ZNF385A: variants seen among roughly 807,000 people sequenced by gnomAD.
The protein encoded by ZNF385A is hematopoietic zinc finger protein.
Under a neutral mutation model 32.1 loss-of-function variants are expected in ZNF385A, and 14 were observed. The ratio of observed to expected loss-of-function variants is 0.44; its 90% CI spans 0.29 to 0.68. The LOEUF is 0.68. Among genes scored for constraint, ZNF385A ranks in the 30% least tolerant of loss-of-function variants. ZNF385A has a pLI of 0.14. For missense variants in ZNF385A, 406 were observed against 478.4 expected (o/e 0.85, Z 1.41); for synonymous variants, 197 against 202.7 (o/e 0.97, Z 0.24).
In ZNF385A at chr12:54,384,542, G is replaced by C; in HGVS notation, c.-28C>G. Reference sequence around the variant, plus strand: ...TCGGGGGCTGCCGTAGCAGAGGCAGGGGCCCTGCCCGGCTCAGGCTGCCTG... The same window carrying C: ...TCGGGGGCTGCCGTAGCAGAGGCAGCGGCCCTGCCCGGCTCAGGCTGCCTG... On this transcript the variant is annotated 5_prime_UTR_variant, in exon 1 of 7. Transcript: ENST00000394313. 1 of 1,500,900 alleles carries C rather than the reference G, an allele frequency of 6.7e-7. No individual in the cohort carries two copies. The highest frequency in any genetic ancestry group is 8.9e-7 in the Non-Finnish European group (1 of 1,126,654). The allele number at this position is 1,500,900 out of a possible 1,614,324, so 93.0% of individuals were successfully genotyped here.
At chr12:54,386,703 G>C (rs1320040721), upstream of ZNF385A, among the ~76,000 whole-genome samples, 1 of 152,194 alleles carries the variant, frequency 6.6e-6, no homozygotes, top group African/African-American at 2.4e-5. Flanking sequence ...CAGAGCACCA[G>C]AGGCTGAAGC....
chr12:54,370,801 C>T lies in ZNF385A; in HGVS notation c.775-80G>A, dbSNP rs530663050. 6 of 1,590,116 alleles carry T rather than the reference C, an allele frequency of 3.8e-6. No homozygotes were observed. The African/African-American group carries it at 5.4e-5, about 14-fold the overall frequency. ...GGGAGTATAATCAAGCTCCAAGCACCGGCCCCCTCCCATCTGGCCCCCTGG... is the reference window on the plus strand; with the variant it reads ...GGGAGTATAATCAAGCTCCAAGCACTGGCCCCCTCCCATCTGGCCCCCTGG... On this transcript the variant is annotated intron_variant, in intron 5 of 6. Transcript: ENST00000394313. This position sits in a 1 kb window ranked among gnomAD's most constrained non-coding sequence, Gnocchi z 5.5.
chr12:54,370,358 G>A lies in ZNF385A; in HGVS notation c.999C>T (p.Ala333=), dbSNP rs1360620734. ...GSPLSLRPAP[A]APLLQGPPIT... ...TCGGCGGTCCCTGGAGAAGAGGTGC[G>A]GCTGGAGCCGGGCGCAGGGACAGCG... Residue 333 remains alanine, a synonymous_variant, in exon 7 of 7, where the codon GCC becomes GCT. Transcript: ENST00000394313. This position sits in a 1 kb window ranked among gnomAD's most constrained non-coding sequence, Gnocchi z 5.5. 1 of 1,507,204 alleles carries A rather than the reference G, an allele frequency of 6.6e-7. No homozygotes were observed. Among genetic ancestry groups the A allele is most frequent in the Non-Finnish European group, 8.9e-7 (1 of 1,126,402 alleles). 93.4% of individuals were successfully genotyped at this position (1,507,204 alleles called of 1,614,324 possible).
chr12:54,382,964 C>G (rs1336277333), intron 1 of ZNF385A, among the ~76,000 whole-genome samples: 1 of 152,022 alleles, frequency 6.6e-6, no homozygotes, highest in Non-Finnish European at 1.5e-5. Context: ...GGGTTCCAGA[C>G]CAGCCTGGCC....
upstream of ZNF385A, among the ~76,000 whole-genome samples, chr12:54,388,949 G>A (rs1186319905): frequency 6.6e-6 from 1 of 152,188 alleles, no homozygotes; most frequent in African/African-American, 2.4e-5. Context: ...GGATGATTAT[G>A]AACAACTACT....
chr12:54,390,588 G>C (rs1033421194), intron 1 of ZNF385A, among the ~76,000 whole-genome samples: 29 of 152,062 alleles, frequency 1.9e-4, no homozygotes, highest in Non-Finnish European at 7.4e-5. Flanking sequence ...TGGCTGTGGA[G>C]ACAGGCTCTG....
chr12:54,382,893 C>T (rs913233851), intron 1 of ZNF385A, among the ~76,000 whole-genome samples: 44 of 151,846 alleles, frequency 2.9e-4, no homozygotes, highest in African/African-American at 9.9e-4. Flanking sequence ...AGGCCAGGCA[C>T]GGTGGCTCAA....
In ZNF385A at chr12:54,370,579, C is replaced by T. The variant is rs1287810840; in HGVS notation, c.870+47G>A. 1 of 1,558,564 alleles carries T rather than the reference C, an allele frequency of 6.4e-7. No individual in the cohort carries two copies. The highest frequency in any genetic ancestry group is 8.7e-7 in the Non-Finnish European group (1 of 1,150,888). Reference sequence around the variant, plus strand: ...GCAAAGCCCGCGTCCCTCTCTCCTCCCCGCCCGCGCCCTCCCACTGCTGAA... The same window carrying T: ...GCAAAGCCCGCGTCCCTCTCTCCTCTCCGCCCGCGCCCTCCCACTGCTGAA... On this transcript the variant is annotated intron_variant, in intron 6 of 6. Transcript: ENST00000394313. The surrounding 1 kb of genome is among the most constrained non-coding windows in gnomAD (Gnocchi z 5.5).
At chr12:54,388,587 G>A (rs961802764), upstream of ZNF385A, among the ~76,000 whole-genome samples, 1 of 152,198 alleles carries the variant, frequency 6.6e-6, no homozygotes, top group African/African-American at 2.4e-5. Flanking sequence ...GGGCCAGAAT[G>A]GGATTAAGAT....
At chr12:54,378,295 C>T (rs1954945927) in intron 1 of ZNF385A, among the ~76,000 whole-genome samples, 1 of 152,170 alleles carries the variant, frequency 6.6e-6, no homozygotes, top group South Asian at 2.1e-4. Flanking sequence ...GATGAGGGCT[C>T]CCTGGGGAGG....
chr12:54,370,959 C>T lies in ZNF385A; in HGVS notation c.742G>A (p.Val248Ile), dbSNP rs1954515372. The change falls in exon 5 of 7, where the codon GTC (valine) becomes ATC (isoleucine). Residue 248 changes from valine to isoleucine, a missense_variant. Physicochemically the swap from Val to Ile is conservative, Grantham distance 29 (BLOSUM62 3). Transcript: ENST00000394313. The surrounding 1 kb of genome is among the most constrained non-coding windows in gnomAD (Gnocchi z 5.5). ...AGTTGGACCTCCGAGTTGACCTTGA[C>T]ATTGCAGATCTCACAGTGGAAAGTT... ...DRTFHCEICNVKVNSEVQLKQ... is the reference protein window; with the variant it reads ...DRTFHCEICNIKVNSEVQLKQ... 3 of 1,614,196 alleles carry T rather than the reference C, an allele frequency of 1.9e-6. No individual in the cohort carries two copies. The highest frequency in any genetic ancestry group is 1.3e-5 in the African/African-American group (1 of 75,058).
intron 3 of ZNF385A, 32 bp downstream of exon 3, chr12:54,373,941 C>A: frequency 1.4e-6 from 2 of 1,433,880 alleles, no homozygotes; most frequent in Non-Finnish European, 1.9e-6. Context: ...AGACAGAGAT[C>A]AGTTGAAGAA....
upstream of ZNF385A, among the ~76,000 whole-genome samples, chr12:54,389,328 G>A (rs1193127006): frequency 6.6e-6 from 1 of 152,106 alleles, no homozygotes; most frequent in Non-Finnish European, 1.5e-5. Flanking sequence ...ACCTTTGTAG[G>A]GTCCCTGGGG....
intron 2 of ZNF385A, among the ~76,000 whole-genome samples, chr12:54,374,637 C>T (rs186161656): frequency 5.9e-5 from 9 of 152,304 alleles, no homozygotes; most frequent in African/African-American, 2.2e-4. Flanking sequence ...CTCATTTTCC[C>T]TGAAGCCTCT....
chr12:54,371,712 G>A lies in ZNF385A; in HGVS notation c.365C>T (p.Ser122Phe), dbSNP rs754734884. ...NGDGVAPRPV[S>F]MENGLGPAPG... ...GGCTGGCCCCAGTCCATTCTCCATG[G>A]AAACTGTTGTTGGGGGAGAAACATG... Residue 122 changes from serine to phenylalanine, a missense_variant, in exon 4 of 7, where the codon TCC becomes TTC. Coordinates refer to ENST00000394313, the MANE Select transcript of ZNF385A (RefSeq NM_015481.3). 1 of 1,611,706 alleles carries A rather than the reference G, an allele frequency of 6.2e-7. No individual in the cohort carries two copies.
chr12:54,371,030 A>C lies in ZNF385A; in HGVS notation c.671T>G (p.Leu224Arg). 1.9e-6 allele frequency: 3 copies of C among 1,614,124 alleles called. No homozygotes were observed. Among genetic ancestry groups the C allele is most frequent in the Middle Eastern group, 1.6e-4 (1 of 6,062 alleles). ...TGGTTCCCCCGGGGTGGGAGGCCCC[A>C]GCCGAGGGTAAGCTTTGATGGGCCC... ...GLGPIKAYPRLGPPTPGEPEA... is the reference protein window; with the variant it reads ...GLGPIKAYPRRGPPTPGEPEA... The change falls in exon 5 of 7, where the codon CTG becomes CGG. Residue 224 changes from leucine to arginine, a missense_variant. Physicochemically the swap from Leu to Arg is moderately radical, Grantham distance 102 (BLOSUM62 -2). Transcript: ENST00000394313.
upstream of ZNF385A, chr12:54,385,018 G>T (rs796301688): frequency 9.9e-6 from 5 of 503,068 alleles, no homozygotes; most frequent in Non-Finnish European, 1.3e-5. Flanking sequence ...GACCAGAGGG[G>T]GATATTGAGA....
intron 1 of ZNF385A, 113 bp downstream of exon 1, chr12:54,384,314 TG>T (rs1955352258): frequency 8.0e-7 from 1 of 1,242,618 alleles, no homozygotes; most frequent in Non-Finnish European, 1.1e-6. Flanking sequence ...TTAAGGAAGA[TG>T]GGGTCATAAG....
chr12:54,373,827 G>T (rs771158085), intron 3 of ZNF385A, 146 bp downstream of exon 3: 51 of 783,526 alleles, frequency 6.5e-5, no homozygotes, highest in Non-Finnish European at 9.1e-5. Context: ...ACATCACTGT[G>T]CCTGGCTCCA....
Sources: allele counts gnomAD v4.1 joint callset (sites outside exome capture counted in the v4.1 genomes callset), GRCh38; gene constraint gnomAD v4.1.1; non-coding constraint Gnocchi (gnomAD v3.1); transcripts MANE v1.5; gene names NCBI Gene and HGNC (gene_info 2026-07-23, HGNC 2026-07-21).